MED12L: variants seen among roughly 807,000 people sequenced by gnomAD.
MED12L encodes mediator complex subunit 12L, also known as mediator of RNA polymerase II transcription subunit 12-like protein.
Under a neutral mutation model 281.3 loss-of-function variants are expected in MED12L, and 60 were observed. That is an observed-to-expected ratio of 0.21 (90% CI 0.17 to 0.26). The LOEUF is 0.26. MED12L is among the 10% of genes least tolerant of loss of function. The pLI, the probability that MED12L is intolerant of heterozygous loss-of-function variation, is 1.00. For synonymous variants in MED12L, 974 were observed against 987.2 expected (o/e 0.99, Z 0.25); for missense variants, 2,146 against 2,680.9 (o/e 0.80, Z 4.41).
At chr3:151,105,353 C>T (rs1221008906) in intron 2 of MED12L, among the ~76,000 whole-genome samples, 2 of 152,164 alleles carry the variant, frequency 1.3e-5, no homozygotes, top group Non-Finnish European at 2.9e-5. Context: ...TCCAGACTTC[C>T]AGAAGCATCC....
At chr3:151,246,870 A>G (rs1261371330) in intron 16 of MED12L, among the ~76,000 whole-genome samples, 1 of 152,356 alleles carries the variant, frequency 6.6e-6, no homozygotes, top group Non-Finnish European at 1.5e-5. Flanking sequence ...CAACCTACTC[A>G]TCTGACAAAG....
chr3:151,113,376 A>G (rs1350065050), intron 2 of MED12L, among the ~76,000 whole-genome samples: 1 of 152,198 alleles, frequency 6.6e-6, no homozygotes. Context: ...CAGAAAGGTA[A>G]TGGGGTTAAG....
At chr3:151,267,396 T>A (rs1368820642) in intron 16 of MED12L, among the ~76,000 whole-genome samples, 3 of 152,216 alleles carry the variant, frequency 2.0e-5, no homozygotes, top group Non-Finnish European at 2.9e-5. Flanking sequence ...CCTTTTCTTT[T>A]TAGAAAGAAA....
intron 2 of MED12L, among the ~76,000 whole-genome samples, chr3:151,093,807 G>C (rs746401010): frequency 6.6e-6 from 1 of 152,180 alleles, no homozygotes; most frequent in African/African-American, 2.4e-5. Context: ...CAGGGTTGAG[G>C]GATTTTCTTT....
intron 5 of MED12L, among the ~76,000 whole-genome samples, chr3:151,128,388 A>AT (rs1714854540): frequency 6.6e-6 from 1 of 152,100 alleles, no homozygotes; most frequent in African/African-American, 2.4e-5. Context: ...TTGTGTTTCT[A>AT]TTTATAAATT....
chr3:151,399,406 G>A (rs1715379798), intron 39 of MED12L, among the ~76,000 whole-genome samples: 1 of 152,102 alleles, frequency 6.6e-6, no homozygotes, highest in African/African-American at 2.4e-5. Flanking sequence ...TGGTTTACTT[G>A]TATAATTACA....
At chr3:151,198,694 G>A (rs765084556) in intron 16 of MED12L, 8 of 1,613,986 alleles carry the variant, frequency 5.0e-6, no homozygotes, top group Non-Finnish European at 6.8e-6. Context: ...ATATGATGTA[G>A]CCCGTGGTCA....
At chr3:151,097,312 AT>A (rs1720838263) in intron 2 of MED12L, among the ~76,000 whole-genome samples, 1 of 152,212 alleles carries the variant, frequency 6.6e-6, no homozygotes. Flanking sequence ...GAGGAGAAAA[AT>A]ATTAGCCATT....
chr3:151,431,361 G>A (rs750255033), intron 44 of MED12L, among the ~76,000 whole-genome samples: 2 of 152,142 alleles, frequency 1.3e-5, no homozygotes, highest in African/African-American at 2.4e-5. Flanking sequence ...CTTGGTTTTA[G>A]TCTTAATTTT....
In MED12L at chr3:151,172,216, C is replaced by G. The variant is rs575424348; in HGVS notation, c.1494+6234C>G. Among the ~76,000 whole-genome samples, 4 of 152,298 alleles carry G rather than the reference C, an allele frequency of 2.6e-5. No homozygotes were observed. In the South Asian group the frequency reaches 8.3e-4, roughly 32 times the overall value. ...ATTTCTTTAGGGACATTGGACAATT[C>G]ACGTATTTTTGATGAGTCTCAGTTT... On this transcript the variant is annotated intron_variant, in intron 11 of 44. Coordinates refer to ENST00000687756, the MANE Select transcript of MED12L (RefSeq NM_001393769.1).
At chr3:151,294,863 G>A in intron 16 of MED12L, 1 of 1,614,000 alleles carries the variant, frequency 6.2e-7, no homozygotes, top group South Asian at 1.1e-5. Context: ...GAACACGATG[G>A]AAGTATACAT....
chr3:151,303,133 A>T (rs1746160835), intron 16 of MED12L, among the ~76,000 whole-genome samples: 1 of 152,224 alleles, frequency 6.6e-6, no homozygotes, highest in Admixed American at 6.5e-5. Flanking sequence ...ATGACAAAAT[A>T]TGAGGCATCT....
At chr3:151,385,488 T>C (rs1465987440) in intron 36 of MED12L, among the ~76,000 whole-genome samples, 1 of 152,160 alleles carries the variant, frequency 6.6e-6, no homozygotes, top group African/African-American at 2.4e-5. Context: ...AAAAATTGCA[T>C]AAATAAGTTC....
In MED12L at chr3:151,427,681, A is replaced by G. The variant is rs115642867; in HGVS notation, c.6409-2618A>G. On this transcript the variant is annotated intron_variant, in intron 43 of 44. Coordinates refer to ENST00000687756, the MANE Select transcript of MED12L (RefSeq NM_001393769.1). ...TTTTAGAATCTGTAATTATTTCTGA[A>G]TAAGTTGATATTTGGAAGCTGGTAT... 6.4e-3 allele frequency among the ~76,000 whole-genome samples: 977 copies of G among 152,318 alleles called. 3 individuals carry two copies. The highest frequency in any genetic ancestry group is 0.011 in the Non-Finnish European group (765 of 68,032).
intron 16 of MED12L, among the ~76,000 whole-genome samples, chr3:151,288,417 C>T (rs552306406): frequency 3.9e-5 from 6 of 152,294 alleles, no homozygotes; most frequent in African/African-American, 1.4e-4. Context: ...CTACTAAATA[C>T]TTTATTTGGA....
At chr3:151,131,640 C>T (rs1427043695) in intron 5 of MED12L, among the ~76,000 whole-genome samples, 2 of 152,214 alleles carry the variant, frequency 1.3e-5, no homozygotes, top group East Asian at 3.9e-4. Context: ...AAACAAAAAA[C>T]AGTTTGATAG....
At chr3:151,396,794 C>G (rs937517770) in intron 39 of MED12L, among the ~76,000 whole-genome samples, 7 of 152,144 alleles carry the variant, frequency 4.6e-5, no homozygotes, top group Non-Finnish European at 8.8e-5. Context: ...GTTCCTAGCA[C>G]TAGGGAAAAG....
chr3:151,227,669 A>G (rs1346862974), intron 16 of MED12L, among the ~76,000 whole-genome samples: 30 of 152,344 alleles, frequency 2.0e-4, no homozygotes, highest in Non-Finnish European at 4.4e-5. Context: ...ATAGTCATGC[A>G]GTCTTCCCGA....
At chr3:151,392,467 GAAAAAAAAAAA>G (rs200781609) in intron 38 of MED12L, among the ~76,000 whole-genome samples, 1 of 95,862 alleles carries the variant, frequency 1.0e-5, no homozygotes, top group Non-Finnish European at 2.0e-5. Flanking sequence ...TCCATCTCAA[GAAAAAAAAAAA>G]AAAAAAAAAA....
Sources: gnomAD v4.1 joint callset for allele counts (sites outside exome capture counted in the v4.1 genomes callset) on GRCh38, gnomAD v4.1.1 for gene constraint, MANE v1.5 for transcripts, NCBI Gene and HGNC (gene_info 2026-07-23, HGNC 2026-07-21) for gene names.